The following FLRT2 variants were observed in gnomAD, a reference collection of about 807,000 sequenced individuals.
FLRT2 encodes leucine-rich repeat transmembrane protein FLRT2.
Under a neutral mutation model 40.0 loss-of-function variants are expected in FLRT2, and 15 were observed. The ratio of observed to expected loss-of-function variants is 0.38; its 90% confidence interval spans 0.25 to 0.58. The LOEUF (loss-of-function observed/expected upper bound fraction) is 0.58. Ranked by LOEUF, FLRT2 falls within the 20% of genes least tolerant of loss-of-function variation. The pLI is 0.71. For synonymous variants in FLRT2, 380 were observed against 336.8 expected (o/e 1.13, Z -1.41); for missense variants, 726 against 840.0 (o/e 0.86, Z 1.68).
At chr14:85,576,555 A>T (rs1023621974) in intron 1 of FLRT2, among the ~76,000 whole-genome samples, 2 of 152,166 alleles carry the variant, frequency 1.3e-5, no homozygotes, top group African/African-American at 4.8e-5. Flanking sequence ...TAATCAGCAT[A>T]TTGCTTGCCT....
At chr14:85,548,180 T>C (rs982675379) in intron 1 of FLRT2, among the ~76,000 whole-genome samples, 2 of 152,224 alleles carry the variant, frequency 1.3e-5, no homozygotes, top group Non-Finnish European at 2.9e-5. Context: ...AACCTACTTC[T>C]GTGAAACTTC....
chr14:85,533,248 G>C (rs1888400684), intron 1 of FLRT2, among the ~76,000 whole-genome samples: 1 of 148,104 alleles, frequency 6.8e-6, no homozygotes, highest in African/African-American at 2.4e-5. Context: ...CTGCGGAGGC[G>C]ATCCCGCGAA....
rs71120521 is a variant in FLRT2 at position 85,566,774 on chromosome 14, GA to G, written c.-377+36253del. On this transcript the variant is annotated intron_variant, in intron 1 of 1. Transcript: ENST00000330753. ...TTGGATACTATGAAATCTTCAGCAT[GA>G]AAAAAAAAAAAAGAACATATCCCTT... Among the ~76,000 whole-genome samples the G allele has an allele frequency of 2.1e-3, 307 of 143,354 alleles. 1 individual carries two copies. Among genetic ancestry groups the G allele is most frequent in the Non-Finnish European group, 3.6e-3 (240 of 66,180 alleles). The allele number at this position is 143,354 out of a possible 152,430, so 94.0% of individuals were successfully genotyped here.
chr14:85,576,493 G>A (rs796811405), intron 1 of FLRT2, among the ~76,000 whole-genome samples: 1 of 152,172 alleles, frequency 6.6e-6, no homozygotes, highest in Non-Finnish European at 1.5e-5. Flanking sequence ...CAAACTGGGA[G>A]CTTTACATGT....
chr14:85,613,559 C>G (rs1168128802), intron 1 of FLRT2, among the ~76,000 whole-genome samples: 1 of 152,180 alleles, frequency 6.6e-6, no homozygotes, highest in East Asian at 1.9e-4. Flanking sequence ...CTTATGGGAC[C>G]TCAGATTGAA....
In FLRT2 at chr14:85,642,050, C is replaced by T. The variant is rs1373669482; in HGVS notation, c.*18553C>T. 1 of 146,160 alleles carries T rather than the reference C, an allele frequency of 6.8e-6. No individual in the cohort carries two copies. Among genetic ancestry groups the T allele is most frequent in the East Asian group, 2.0e-4 (1 of 4,938 alleles). The allele number at this position is 146,160 out of a possible 1,614,324, so 9.1% of individuals were successfully genotyped here. ...AATTCAGAGTTTTAAATAACTGGCT[C>T]AAGGCAAGTCAGAGGTCCAAGGAGC... On this transcript the variant is annotated 3_prime_UTR_variant, in exon 2 of 2. Transcript: ENST00000330753.
Position 85,622,897 on chromosome 14 carries a change from A to G in FLRT2, c.1383A>G (p.Leu461=), listed in dbSNP as rs1893476988. 6.2e-7 allele frequency: 1 copy of G among 1,614,190 alleles called. No individual in the cohort carries two copies. The highest frequency in any genetic ancestry group is 1.3e-5 in the African/African-American group (1 of 75,056). ...CATGGGTGAAAATGGGCCACAGTTT[A>G]GTAGGGGGCATCGTTCAGGAGCGCA... ...KLTWVKMGHS[L]VGGIVQERIV... Residue 461 remains leucine, a synonymous_variant, in exon 2 of 2, where the codon TTA becomes TTG. Coordinates refer to ENST00000330753, the MANE Select transcript of FLRT2 (RefSeq NM_013231.6).
At chr14:85,604,555 G>A (rs925996271) in intron 1 of FLRT2, among the ~76,000 whole-genome samples, 4 of 151,804 alleles carry the variant, frequency 2.6e-5, no homozygotes, top group African/African-American at 9.7e-5. Context: ...AAATTGCTCT[G>A]GGTGAAGAAA....
intron 1 of FLRT2, among the ~76,000 whole-genome samples, chr14:85,578,177 T>A (rs1891212482): frequency 1.0e-5 from 1 of 95,430 alleles, no homozygotes; most frequent in Non-Finnish European, 2.7e-5. Context: ...TATAAAAATA[T>A]CTTTATATAT....
Position 85,536,595 on chromosome 14 carries a change from A to T in FLRT2, c.-377+6061A>T, listed in dbSNP as rs116507420. Among the ~76,000 whole-genome samples, 206 of 150,446 alleles carry T rather than the reference A, an allele frequency of 1.4e-3. 1 individual carries two copies. Among genetic ancestry groups the T allele is most frequent in the African/African-American group, 4.8e-3 (198 of 41,098 alleles). ...ATTTCTGCTACAGTGATTCAAATTC[A>T]GTCCATTAGTGACCTCTATCTGTGA... On this transcript the variant is annotated intron_variant, in intron 1 of 1. Transcript: ENST00000330753.
rs1361760754 is a variant in FLRT2, at chr14:85,633,406, G to T, written c.*9909G>T. The T allele has an allele frequency of 6.6e-6, 1 of 152,164 alleles. No homozygotes were observed. Among genetic ancestry groups the T allele is most frequent in the Non-Finnish European group, 1.5e-5 (1 of 68,032 alleles). 9.4% of individuals were successfully genotyped at this position (152,164 alleles called of 1,614,324 possible). On this transcript the variant is annotated 3_prime_UTR_variant, in exon 2 of 2. Coordinates refer to ENST00000330753, the MANE Select transcript of FLRT2 (RefSeq NM_013231.6). The stretch of plus-strand genomic sequence containing the variant: ...CTATCTGGTTGCTAGAGTACACATA[G>T]ATGTAGTTATTGCTGAAAATTAATT...
intron 1 of FLRT2, among the ~76,000 whole-genome samples, chr14:85,538,046 C>T (rs1183037682): frequency 2.6e-5 from 4 of 152,050 alleles, no homozygotes; most frequent in Non-Finnish European, 5.9e-5. Context: ...TAAAAGAAGT[C>T]CTTCTCTTGC....
chr14:85,533,512 C>T (rs2030300258), intron 1 of FLRT2, among the ~76,000 whole-genome samples: 1 of 152,138 alleles, frequency 6.6e-6, no homozygotes, highest in Admixed American at 6.5e-5. Context: ...TCCCGGGATC[C>T]TCCAAATCCG....
At chr14:85,595,695 G>T (rs1335720865) in intron 1 of FLRT2, among the ~76,000 whole-genome samples, 5 of 152,082 alleles carry the variant, frequency 3.3e-5, no homozygotes, top group Non-Finnish European at 7.4e-5. Flanking sequence ...TGTTCAAAGG[G>T]CATCGATAGA....
rs111553809 is a variant in FLRT2 at position 85,606,644 on chromosome 14, C to T, written c.-376-14495C>T. Among the ~76,000 whole-genome samples, 1,359 of 150,530 alleles carry T rather than the reference C, an allele frequency of 9.0e-3. 18 individuals carry two copies. The highest frequency in any genetic ancestry group is 0.031 in the African/African-American group (1,284 of 40,900). On this transcript the variant is annotated intron_variant, in intron 1 of 1. Coordinates refer to ENST00000330753, the MANE Select transcript of FLRT2 (RefSeq NM_013231.6). ...AGTTCAAGCGATTCTCCTGCCTCAG[C>T]CTGCCGAGTAGCTTGGATTACAGGC...
chr14:85,578,217 T>C (rs1376645311), intron 1 of FLRT2, among the ~76,000 whole-genome samples: 1 of 146,306 alleles, frequency 6.8e-6, no homozygotes, highest in Non-Finnish European at 1.5e-5. Flanking sequence ...TAAATATACG[T>C]ATATATATTT....
At chr14:85,530,823 A>G (rs975560014) in intron 1 of FLRT2, among the ~76,000 whole-genome samples, 11 of 152,014 alleles carry the variant, frequency 7.2e-5, no homozygotes, top group Non-Finnish European at 1.3e-4. Flanking sequence ...AGATGCATCG[A>G]TGCTAAATTG....
At chr14:85,594,951 T>A (rs1316302204) in intron 1 of FLRT2, among the ~76,000 whole-genome samples, 2 of 152,112 alleles carry the variant, frequency 1.3e-5, no homozygotes, top group African/African-American at 2.4e-5. Context: ...TTAAGGAAAT[T>A]GTAAGGAAAA....
Position 85,547,307 on chromosome 14 carries a change from T to C in FLRT2, c.-377+16773T>C, listed in dbSNP as rs139153450. Among the ~76,000 whole-genome samples, 1,040 of 137,462 alleles carry C rather than the reference T, an allele frequency of 7.6e-3. 58 individuals are homozygous for C. Among genetic ancestry groups the C allele is most frequent in the Admixed American group, 0.073 (889 of 12,150 alleles). The allele number at this position is 137,462 out of a possible 152,430, so 90.2% of individuals were successfully genotyped here. The stretch of plus-strand genomic sequence containing the variant: ...ATGTAAAATTTTACCAAATACTTTG[T>C]CTTTCTTTTCTTTCTTTCTTTTTTT... On this transcript the variant is annotated intron_variant, in intron 1 of 1. Coordinates refer to ENST00000330753, the MANE Select transcript of FLRT2 (RefSeq NM_013231.6).
Sources: gnomAD v4.1 joint callset for allele counts (sites outside exome capture counted in the v4.1 genomes callset) on GRCh38, gnomAD v4.1.1 for gene constraint, MANE v1.5 for transcripts, NCBI Gene and HGNC (gene_info 2026-07-23, HGNC 2026-07-21) for gene names.